The following MAP3K5 variants were observed in gnomAD, a reference collection of about 807,000 sequenced individuals.
MAP3K5 encodes ASK-1.
A neutral mutation model predicts 158.7 loss-of-function variants in MAP3K5; 56 were observed. The ratio of observed to expected loss-of-function variants is 0.35; its 90% confidence interval spans 0.28 to 0.44. MAP3K5 has a LOEUF of 0.44. MAP3K5 is among the 20% of genes least tolerant of loss of function. The pLI is 1.00. For synonymous variants in MAP3K5, 579 were observed against 601.7 expected (o/e 0.96, Z 0.55); for missense variants, 1,294 against 1,674.8 (o/e 0.77, Z 3.97).
chr6:136,665,841 G>A (rs1779208059), intron 8 of MAP3K5, among the ~76,000 whole-genome samples: 1 of 152,058 alleles, frequency 6.6e-6, no homozygotes, highest in African/African-American at 2.4e-5. Flanking sequence ...ATTGATTCAT[G>A]GATTTTTATG....
chr6:136,659,122 C>A (rs1431100366), intron 9 of MAP3K5, 97 bp downstream of exon 9: 4 of 1,074,974 alleles, frequency 3.7e-6, no homozygotes, highest in Non-Finnish European at 5.3e-6. Flanking sequence ...ATTTTATAAG[C>A]AAATAAAATC....
At position 136,739,386 on chromosome 6, in the gene MAP3K5, G is replaced by T. The variant is rs147879145; in HGVS notation, c.449-18797C>A. Reference sequence around the variant, plus strand: ...AACAATAGTCTTTGTCACAGAAAGGGCTTAACAACAAAGAGGTGTCAATGA... The same window carrying T: ...AACAATAGTCTTTGTCACAGAAAGGTCTTAACAACAAAGAGGTGTCAATGA... On this transcript the variant is annotated intron_variant, in intron 1 of 29. Transcript: ENST00000359015. Among the ~76,000 whole-genome samples, 268 of 152,240 alleles carry T rather than the reference G, an allele frequency of 1.8e-3. 1 individual carries two copies. The highest frequency in any genetic ancestry group is 6.1e-3 in the African/African-American group (254 of 41,528).
At chr6:136,621,371 G>A (rs953507813) in intron 15 of MAP3K5, among the ~76,000 whole-genome samples, 2 of 151,876 alleles carry the variant, frequency 1.3e-5, no homozygotes, top group Non-Finnish European at 1.5e-5. Flanking sequence ...ATGTGAATAC[G>A]ATTCACAATC....
intron 2 of MAP3K5, among the ~76,000 whole-genome samples, chr6:136,707,562 G>T (rs75402787): frequency 1.1e-4 from 17 of 151,918 alleles, no homozygotes; most frequent in African/African-American, 2.2e-4. Context: ...GTACTTGGGG[G>T]GGGGGGGAAC....
rs748107415 is a variant in MAP3K5 at position 136,611,265 on chromosome 6, T to A, written c.2521+17A>T. 2.0e-6 allele frequency: 3 copies of A among 1,491,814 alleles called. No homozygotes were observed. In the African/African-American group the frequency reaches 4.1e-5, roughly 21 times the overall value. 92.4% of individuals were successfully genotyped at this position (1,491,814 alleles called of 1,614,324 possible). ...CTTTAATTACATAAGATCTGTATCA[T>A]CATTGCAAAAACATACCAGTAAAAG... is the stretch of plus-strand genomic sequence containing the variant. On this transcript the variant is annotated intron_variant, in intron 18 of 29. Transcript: ENST00000359015.
chr6:136,695,677 A>G (rs904234651), intron 6 of MAP3K5, among the ~76,000 whole-genome samples: 1 of 152,240 alleles, frequency 6.6e-6, no homozygotes, highest in African/African-American at 2.4e-5. Flanking sequence ...ACAATTCTAA[A>G]AAATATGAAT....
chr6:136,700,600 G>T (rs895197126), intron 3 of MAP3K5, among the ~76,000 whole-genome samples: 4 of 152,188 alleles, frequency 2.6e-5, no homozygotes, highest in Non-Finnish European at 4.4e-5. Context: ...AACTTCAAAA[G>T]GTTGAGATTT....
intron 1 of MAP3K5, among the ~76,000 whole-genome samples, chr6:136,746,312 C>T (rs551896361): frequency 1.8e-4 from 27 of 151,870 alleles, no homozygotes; most frequent in Admixed American, 6.6e-4. Context: ...AATACAAATA[C>T]GTTCATGTCT....
intron 19 of MAP3K5, among the ~76,000 whole-genome samples, chr6:136,604,547 T>G (rs1477111725): frequency 6.6e-6 from 1 of 152,086 alleles, no homozygotes; most frequent in African/African-American, 2.4e-5. Context: ...AGCGGAGGAC[T>G]GCAGGGATTC....
chr6:136,659,299 C>A lies in MAP3K5; in HGVS notation c.1446G>T (p.Leu482=). 6.2e-7 allele frequency: 1 copy of A among 1,614,106 alleles called. No individual in the cohort carries two copies. Among genetic ancestry groups the A allele is most frequent in the Non-Finnish European group, 8.5e-7 (1 of 1,180,002 alleles). Residue 482 remains leucine, a synonymous_variant, in exon 9 of 30, where the codon CTG becomes CTT. Coordinates refer to ENST00000359015, the MANE Select transcript of MAP3K5 (RefSeq NM_005923.4). Reference sequence around the variant, plus strand: ...GGTCATTGGCTAGGACGCTGGCCCCCAGAAAAAATCCAACTTCCCAGTAGC... The same window carrying A: ...GGTCATTGGCTAGGACGCTGGCCCCAAGAAAAAATCCAACTTCCCAGTAGC... The part of the protein sequence containing the change: ...LQSYWEVGFF[L]GASVLANDHM...
At chr6:136,719,198 T>C (rs1386303802) in intron 2 of MAP3K5, among the ~76,000 whole-genome samples, 1 of 151,986 alleles carries the variant, frequency 6.6e-6, no homozygotes, top group Non-Finnish European at 1.5e-5. Flanking sequence ...AATACATACA[T>C]ACATAAACTT....
intron 1 of MAP3K5, among the ~76,000 whole-genome samples, chr6:136,753,953 C>A (rs1783338743): frequency 6.6e-6 from 1 of 152,190 alleles, no homozygotes; most frequent in Non-Finnish European, 1.5e-5. Flanking sequence ...TGAGAAGCAG[C>A]AAGTTCAGTT....
At chr6:136,672,066 T>G (rs1779506322) in intron 7 of MAP3K5, among the ~76,000 whole-genome samples, 1 of 152,196 alleles carries the variant, frequency 6.6e-6, no homozygotes, top group South Asian at 2.1e-4. Flanking sequence ...TACCCTAAAT[T>G]TCCAATAATA....
At chr6:136,690,863 T>C (rs929853908) in intron 7 of MAP3K5, among the ~76,000 whole-genome samples, 2 of 152,220 alleles carry the variant, frequency 1.3e-5, no homozygotes, top group Admixed American at 6.5e-5. Context: ...GACTTTAACA[T>C]TTCTTGTAGT....
chr6:136,637,352 T>G lies in MAP3K5; in HGVS notation c.1989A>C (p.Glu663Asp). The G allele has an allele frequency of 6.2e-7, 1 of 1,611,896 alleles. No individual in the cohort carries two copies. Among genetic ancestry groups the G allele is most frequent in the Non-Finnish European group, 8.5e-7 (1 of 1,178,000 alleles). ...ITEEKGRSTE[E>D]GDCESDLLEY... ...CCAGCAAGTCACTTTCACAGTCTCC[T>G]TCCTCTGTGCTTCTCCCCTTCTCTT... Residue 663 changes from glutamate to aspartate, a missense_variant, in exon 14 of 30, where the codon GAA (glutamate) becomes GAC (aspartate). Glu to Asp is a conservative substitution (Grantham distance 45, BLOSUM62 2). Around this residue, in one of 5 missense-constraint regions of MAP3K5, gnomAD observed 690 missense variants for 870.5 expected, o/e 0.79. Coordinates refer to ENST00000359015, the MANE Select transcript of MAP3K5 (RefSeq NM_005923.4).
chr6:136,773,400 C>T (rs1784287905), intron 1 of MAP3K5, among the ~76,000 whole-genome samples: 1 of 152,208 alleles, frequency 6.6e-6, no homozygotes, highest in Non-Finnish European at 1.5e-5. Context: ...TCTACCACCA[C>T]CTGCTTTCCT....
At chr6:136,636,679 A>G (rs1583315105) in intron 14 of MAP3K5, 1 of 256,292 alleles carries the variant, frequency 3.9e-6, no homozygotes, top group African/African-American at 2.3e-5. Context: ...GCGGTGGCTC[A>G]CGCCTGTAAT....
chr6:136,769,785 AAGGAAGGAAGGG>A (rs1157666760), intron 1 of MAP3K5, among the ~76,000 whole-genome samples: 1 of 19,806 alleles, frequency 5.0e-5, no homozygotes. Flanking sequence ...GGAAGGAAGG[AAGGAAGGAAGGG>A]AGGGAGGGAG....
At chr6:136,584,805 T>C (rs1338192538) in intron 23 of MAP3K5, among the ~76,000 whole-genome samples, 2 of 152,176 alleles carry the variant, frequency 1.3e-5, no homozygotes, top group Non-Finnish European at 2.9e-5. Context: ...CAGGCTCATA[T>C]TCTGTTTTCA....
Sources: allele counts gnomAD v4.1 joint callset (sites outside exome capture counted in the v4.1 genomes callset), GRCh38; gene constraint gnomAD v4.1.1; regional missense constraint gnomAD v4.1.1; transcripts MANE v1.5; gene names NCBI Gene and HGNC (gene_info 2026-07-23, HGNC 2026-07-21).